The following CTNNA3 variants were observed in gnomAD, a reference collection of about 807,000 sequenced individuals.
The protein encoded by CTNNA3 is catenin alpha 3, also known as catenin alpha-3.
CTNNA3 carries 76 observed loss-of-function variants against 95.7 expected under a neutral mutation model. The ratio of observed to expected loss-of-function variants is 0.79; its 90% CI spans 0.66 to 0.96. The LOEUF (loss-of-function observed/expected upper bound fraction) is 0.96, where lower values mean the gene tolerates loss of function less well. CTNNA3 is among the 40% of genes least tolerant of loss of function. CTNNA3 has a pLI of 0.00. For synonymous variants in CTNNA3, 431 were observed against 374.4 expected (o/e 1.15, Z -1.74); for missense variants, 1,191 against 1,089.8 (o/e 1.09, Z -1.31).
intron 9 of CTNNA3, among the ~76,000 whole-genome samples, chr10:66,708,613 T>A (rs1022857106): frequency 5.3e-5 from 8 of 152,092 alleles, no homozygotes; most frequent in African/African-American, 1.9e-4. Flanking sequence ...AAGGAAGAGA[T>A]ACAATTCAGC....
chr10:66,931,549 A>T (rs1369294679), intron 7 of CTNNA3, among the ~76,000 whole-genome samples: 1 of 152,148 alleles, frequency 6.6e-6, no homozygotes, highest in East Asian at 1.9e-4. Flanking sequence ...AGCAGCAGTG[A>T]CCTCTAGTGT....
At chr10:66,729,851 T>C (rs1848898772) in intron 9 of CTNNA3, among the ~76,000 whole-genome samples, 1 of 152,120 alleles carries the variant, frequency 6.6e-6, no homozygotes, top group African/African-American at 2.4e-5. Flanking sequence ...ATGCCTGTAA[T>C]CCCAGCACTT....
intron 5 of CTNNA3, among the ~76,000 whole-genome samples, chr10:67,349,679 T>C (rs930527845): frequency 6.6e-6 from 1 of 152,110 alleles, no homozygotes; most frequent in Non-Finnish European, 1.5e-5. Flanking sequence ...CTTAAAAAAT[T>C]TGTTGAAAGT....
At chr10:65,941,790 A>C (rs1670136) in intron 17 of CTNNA3, among the ~76,000 whole-genome samples, 106,639 of 152,056 alleles carry the variant, frequency 0.7, 37,701 homozygotes, top group Middle Eastern at 0.8. Flanking sequence ...CCTGTTGGAA[A>C]CTTAACCAAA....
rs895424977 is a variant in CTNNA3, at chr10:66,800,523, G to GA, written c.1048-25000dup. On this transcript the variant is annotated intron_variant, in intron 7 of 17. Transcript: ENST00000433211. ...GCAAATATTTGAGACACTTATCTAT[G>GA]AAAAAAATACATAAACAAAATAAGG... 2.7e-5 allele frequency among the ~76,000 whole-genome samples: 4 copies of GA among 150,604 alleles called. No homozygotes were observed. The East Asian group carries it at 7.8e-4, about 29-fold the overall frequency.
intron 7 of CTNNA3, among the ~76,000 whole-genome samples, chr10:67,134,172 C>G (rs1860176645): frequency 6.6e-6 from 1 of 152,016 alleles, no homozygotes; most frequent in Non-Finnish European, 1.5e-5. Flanking sequence ...AAAAATGGAG[C>G]AAAGATTACT....
At chr10:66,923,574 C>G (rs554871226) in intron 7 of CTNNA3, among the ~76,000 whole-genome samples, 1 of 152,190 alleles carries the variant, frequency 6.6e-6, no homozygotes, top group Non-Finnish European at 1.5e-5. Flanking sequence ...CAGTATTACC[C>G]TTCTGTGCTG....
intron 7 of CTNNA3, among the ~76,000 whole-genome samples, chr10:66,843,054 C>T (rs1843120300): frequency 6.6e-6 from 1 of 152,076 alleles, no homozygotes; most frequent in African/African-American, 2.4e-5. Context: ...GAACTCTCTC[C>T]CCTAGACAGA....
intron 13 of CTNNA3, among the ~76,000 whole-genome samples, chr10:66,277,176 A>G (rs948555567): frequency 2.0e-5 from 3 of 152,176 alleles, no homozygotes; most frequent in African/African-American, 7.2e-5. Context: ...AACTGCTAGC[A>G]TAATTATTGA....
At chr10:66,084,410 G>A (rs1372309484) in intron 14 of CTNNA3, among the ~76,000 whole-genome samples, 4 of 151,934 alleles carry the variant, frequency 2.6e-5, no homozygotes, top group Admixed American at 1.3e-4. Context: ...AAGAGAATGG[G>A]TCTTCCATTA....
At chr10:67,738,791 G>C (rs144104092) in intron 1 of CTNNA3, among the ~76,000 whole-genome samples, 3 of 152,154 alleles carry the variant, frequency 2.0e-5, no homozygotes, top group South Asian at 2.1e-4. Context: ...ACTACATAAC[G>C]AATGCACAAG....
intron 15 of CTNNA3, among the ~76,000 whole-genome samples, chr10:66,011,226 C>T (rs2078999721): frequency 6.6e-6 from 1 of 152,168 alleles, no homozygotes; most frequent in African/African-American, 2.4e-5. Flanking sequence ...GTTCTACTCC[C>T]TTTTCTCTTC....
At chr10:66,716,105 C>T (rs975614127) in intron 9 of CTNNA3, among the ~76,000 whole-genome samples, 3 of 152,018 alleles carry the variant, frequency 2.0e-5, no homozygotes, top group African/African-American at 7.2e-5. Context: ...GAATTGGTAG[C>T]ACACTTCATA....
chr10:67,266,042 T>G (rs2132403771), intron 5 of CTNNA3, among the ~76,000 whole-genome samples: 1 of 151,890 alleles, frequency 6.6e-6, no homozygotes, highest in South Asian at 2.1e-4. Flanking sequence ...CATGAAAGAT[T>G]TCAATAAAAA....
At chr10:67,369,063 G>T (rs762609431) in intron 5 of CTNNA3, among the ~76,000 whole-genome samples, 1 of 152,068 alleles carries the variant, frequency 6.6e-6, no homozygotes, top group African/African-American at 2.4e-5. Flanking sequence ...AAAGCTAGAA[G>T]GTAGCCTGGG....
At chr10:66,263,792 A>G (rs2091076218) in intron 13 of CTNNA3, among the ~76,000 whole-genome samples, 1 of 151,992 alleles carries the variant, frequency 6.6e-6, no homozygotes, top group Admixed American at 6.6e-5. Flanking sequence ...AATTCACTGA[A>G]TATCTAAACA....
intron 7 of CTNNA3, among the ~76,000 whole-genome samples, chr10:67,025,161 G>A (rs558808368): frequency 1.3e-5 from 2 of 149,054 alleles, no homozygotes; most frequent in Non-Finnish European, 3.0e-5. Context: ...AGAAAGGAAG[G>A]AAGGAAGGAA....
At chr10:66,446,146 G>C (rs1418822570) in intron 11 of CTNNA3, among the ~76,000 whole-genome samples, 6 of 152,132 alleles carry the variant, frequency 3.9e-5, no homozygotes, top group African/African-American at 1.4e-4. Flanking sequence ...TCTCTGAATA[G>C]ACTAATAACA....
intron 8 of CTNNA3, among the ~76,000 whole-genome samples, chr10:66,768,094 A>G (rs925030055): frequency 5.3e-5 from 8 of 152,202 alleles, no homozygotes; most frequent in African/African-American, 9.6e-5. Flanking sequence ...TGAGCTGGGA[A>G]CTACAGGTTG....
Sources: gnomAD v4.1 joint callset for allele counts (sites outside exome capture counted in the v4.1 genomes callset) on GRCh38, gnomAD v4.1.1 for gene constraint, MANE v1.5 for transcripts, NCBI Gene and HGNC (gene_info 2026-07-23, HGNC 2026-07-21) for gene names.